The following DENND2B variants were observed in gnomAD, a reference collection of about 807,000 sequenced individuals.
The protein encoded by DENND2B is DENN domain-containing protein 2B.
Under a neutral mutation model 116.0 loss-of-function variants are expected in DENND2B, and 32 were observed. The observed-to-expected ratio is 0.28, with a 90% CI of 0.21 to 0.37. The LOEUF (loss-of-function observed/expected upper bound fraction) is 0.37, where lower values mean the gene tolerates loss of function less well. DENND2B is among the 10% of genes least tolerant of loss of function. The pLI is 1.00. For synonymous variants in DENND2B, 588 were observed against 583.9 expected (o/e 1.01, Z -0.10); for missense variants, 1,276 against 1,477.7 (o/e 0.86, Z 2.24).
At chr11:8,728,454 T>C (rs963878862) in intron 3 of DENND2B, among the ~76,000 whole-genome samples, 27 of 152,338 alleles carry the variant, frequency 1.8e-4, no homozygotes, top group African/African-American at 6.5e-4. Flanking sequence ...GTTTCTCTTT[T>C]TCCAAGAGCA....
chr11:8,887,396 C>A (rs2063974022), intron 1 of DENND2B, among the ~76,000 whole-genome samples: 1 of 152,024 alleles, frequency 6.6e-6, no homozygotes, highest in South Asian at 2.1e-4. Context: ...TAGTATTTTC[C>A]CTCTCTCCCC....
In DENND2B at chr11:8,707,269, A is replaced by C; in HGVS notation, c.2431-44T>G. 1.3e-6 allele frequency: 2 copies of C among 1,584,590 alleles called. No homozygotes were observed. Among genetic ancestry groups the C allele is most frequent in the Non-Finnish European group, 1.7e-6 (2 of 1,161,362 alleles). On this transcript the variant is annotated intron_variant, in intron 12 of 19. Transcript: ENST00000313726. The surrounding 1 kb of genome is among the most constrained non-coding windows in gnomAD (Gnocchi z 4.8). Reference sequence around the variant, plus strand: ...GCCCAAAGAGGAAGGGTGTCAGGGCACTGCCCTTCCCCCTCCTGGCAGAGA... The same window carrying C: ...GCCCAAAGAGGAAGGGTGTCAGGGCCCTGCCCTTCCCCCTCCTGGCAGAGA...
At chr11:8,698,891 G>A (rs2040954116) in intron 16 of DENND2B, 42 bp downstream of exon 16, 2 of 1,611,926 alleles carry the variant, frequency 1.2e-6, no homozygotes, top group Non-Finnish European at 8.5e-7. Context: ...GATGGTGCAG[G>A]GTGCTCAGGA....
chr11:8,873,105 T>G (rs1425488640), upstream of DENND2B, among the ~76,000 whole-genome samples: 2 of 152,178 alleles, frequency 1.3e-5, no homozygotes, highest in Non-Finnish European at 2.9e-5. Flanking sequence ...TACCTGCAGC[T>G]CTCTGAGCTC....
chr11:8,894,089 T>C (rs1441707933), intron 1 of DENND2B, among the ~76,000 whole-genome samples: 1 of 152,018 alleles, frequency 6.6e-6, no homozygotes, highest in African/African-American at 2.4e-5. Context: ...TCAGAAATAA[T>C]ACCAGACATC....
chr11:8,734,667 T>C (rs903554216), intron 2 of DENND2B, among the ~76,000 whole-genome samples: 4 of 151,284 alleles, frequency 2.6e-5, no homozygotes, highest in African/African-American at 9.7e-5. Context: ...CAGGCAACTG[T>C]AATTGCAGTG....
At chr11:8,865,936 T>C (rs1053802472) in intron 2 of DENND2B, among the ~76,000 whole-genome samples, 1 of 151,468 alleles carries the variant, frequency 6.6e-6, no homozygotes, top group African/African-American at 2.4e-5. Flanking sequence ...AAAGAGGATA[T>C]TGCAGCCCTA....
At chr11:8,760,218 G>C (rs1381230779) in intron 1 of DENND2B, among the ~76,000 whole-genome samples, 6 of 152,084 alleles carry the variant, frequency 3.9e-5, no homozygotes, top group Non-Finnish European at 8.8e-5. Flanking sequence ...TCTTCTCAGT[G>C]CTGCCTCCAT....
At chr11:8,700,816 T>A (rs762350627) in intron 14 of DENND2B, among the ~76,000 whole-genome samples, 17 of 152,062 alleles carry the variant, frequency 1.1e-4, no homozygotes, top group Admixed American at 2.6e-4. Flanking sequence ...TTTAAAAAAA[T>A]TTTTAAATTT....
At chr11:8,900,068 A>G (rs995054764) in intron 1 of DENND2B, among the ~76,000 whole-genome samples, 1 of 152,144 alleles carries the variant, frequency 6.6e-6, no homozygotes, top group Non-Finnish European at 1.5e-5. Flanking sequence ...AGATGGGTGG[A>G]CTGTTTGAGC....
chr11:8,838,821 G>A (rs764096950), intron 4 of DENND2B, among the ~76,000 whole-genome samples: 1 of 152,136 alleles, frequency 6.6e-6, no homozygotes, highest in South Asian at 2.1e-4. Flanking sequence ...ACCTTGGGGC[G>A]GGAAAGGAAT....
chr11:8,707,058 G>C lies in DENND2B; in HGVS notation c.2571+27C>G. On this transcript the variant is annotated intron_variant, in intron 13 of 19. Coordinates refer to ENST00000313726, the MANE Select transcript of DENND2B (RefSeq NM_213618.2). This position sits in a 1 kb window ranked among gnomAD's most constrained non-coding sequence, Gnocchi z 4.8. Reference sequence around the variant, plus strand: ...CTCCTGCCACCCCAGCCCGTAGCCCGAGAGAAGAGGGTGCAGAAATCCCTA... The same window carrying C: ...CTCCTGCCACCCCAGCCCGTAGCCCCAGAGAAGAGGGTGCAGAAATCCCTA... 1 of 1,601,596 alleles carries C rather than the reference G, an allele frequency of 6.2e-7. No homozygotes were observed. Among genetic ancestry groups the C allele is most frequent in the South Asian group, 1.1e-5 (1 of 89,224 alleles).
At chr11:8,862,614 T>C (rs2568059) in intron 2 of DENND2B, among the ~76,000 whole-genome samples, 83,400 of 151,980 alleles carry the variant, frequency 0.55, 23,053 homozygotes, top group Middle Eastern at 0.73. Flanking sequence ...GGATTACAGG[T>C]GAGTGCCACA....
intron 2 of DENND2B, among the ~76,000 whole-genome samples, chr11:8,749,227 C>G (rs1439774717): frequency 1.3e-5 from 2 of 152,324 alleles, no homozygotes; most frequent in South Asian, 2.1e-4. Flanking sequence ...TTGTTTCTAC[C>G]TTGGACACCA....
chr11:8,841,921 T>G (rs2062637094), intron 3 of DENND2B, among the ~76,000 whole-genome samples: 1 of 152,194 alleles, frequency 6.6e-6, no homozygotes, highest in South Asian at 2.1e-4. Flanking sequence ...TCAGGCCAGT[T>G]AGCTGGATAC....
At chr11:8,724,971 G>A (rs1282018688) in intron 4 of DENND2B, among the ~76,000 whole-genome samples, 2 of 152,220 alleles carry the variant, frequency 1.3e-5, no homozygotes, top group Non-Finnish European at 1.5e-5. Context: ...TCTCCACACC[G>A]CCCCATGGGA....
intron 13 of DENND2B, among the ~76,000 whole-genome samples, chr11:8,704,556 C>T (rs144176846): frequency 6.6e-6 from 1 of 152,230 alleles, no homozygotes; most frequent in Non-Finnish European, 1.5e-5. Context: ...AGCCCTCAAG[C>T]TAGGATTTGC....
intron 2 of DENND2B, among the ~76,000 whole-genome samples, chr11:8,869,902 C>T (rs193047814): frequency 1.3e-5 from 2 of 149,862 alleles, no homozygotes; most frequent in Admixed American, 6.7e-5. Context: ...CCCCAGATTA[C>T]GTCTAACCTT....
chr11:8,757,039 A>G (rs1405530272), intron 1 of DENND2B: 1 of 456,324 alleles, frequency 2.2e-6, no homozygotes, highest in Admixed American at 2.3e-5. Flanking sequence ...GGAATAGAAT[A>G]AGGTACCTCT....
Sources: gnomAD v4.1 joint callset for allele counts (sites outside exome capture counted in the v4.1 genomes callset) on GRCh38, gnomAD v4.1.1 for gene constraint, Gnocchi (gnomAD v3.1) non-coding constraint, MANE v1.5 for transcripts, NCBI Gene and HGNC (gene_info 2026-07-23, HGNC 2026-07-21) for gene names.